NLRP5: variants seen among roughly 807,000 people sequenced by gnomAD.
NLRP5 encodes the protein NACHT, LRR and PYD domains-containing protein 5.
Under a neutral mutation model 113.1 loss-of-function variants are expected in NLRP5, and 93 were observed. The observed-to-expected ratio is 0.82, with a 90% CI of 0.70 to 0.98. NLRP5 has a LOEUF of 0.98. NLRP5 is among the 50% of genes least tolerant of loss of function. The probability of loss-of-function intolerance (pLI) is 0.00; values close to 1 mark genes in which losing one functional copy is unlikely to be tolerated. For synonymous variants in NLRP5, 751 were observed against 600.7 expected (o/e 1.25, Z -3.66); for missense variants, 1,808 against 1,514.3 (o/e 1.19, Z -3.22).
At chr19:56,005,134 C>T (rs1256715974) in intron 2 of NLRP5, among the ~76,000 whole-genome samples, 5 of 142,778 alleles carry the variant, frequency 3.5e-5, no homozygotes, top group East Asian at 2.0e-4. Flanking sequence ...ATAATATATA[C>T]ACACACACAT....
intron 1 of NLRP5, chr19:55,999,884 G>A (rs1195330476): frequency 1.3e-5 from 11 of 873,862 alleles, no homozygotes; most frequent in Non-Finnish European, 2.1e-5. Context: ...GCTGTCTGCT[G>A]CAATGTTATT....
chr19:56,014,619 A>G (rs1044626138), intron 3 of NLRP5, among the ~76,000 whole-genome samples: 2 of 152,204 alleles, frequency 1.3e-5, no homozygotes, highest in Admixed American at 1.3e-4. Context: ...AGCATGAAGT[A>G]GAGGGTTCAA....
chr19:56,048,544 G>T, intron 11 of NLRP5, among the ~76,000 whole-genome samples: 1 of 51,916 alleles, frequency 1.9e-5, no homozygotes, highest in South Asian at 4.9e-4. Flanking sequence ...ACAAACAAGG[G>T]CCCCAAATCC....
In NLRP5 at chr19:56,053,766, G is replaced by A. The variant is rs1334254905; in HGVS notation, c.3257G>A (p.Cys1086Tyr). The A allele has an allele frequency of 1.2e-6, 2 of 1,613,818 alleles. No homozygotes were observed. Among genetic ancestry groups the A allele is most frequent in the African/African-American group, 1.3e-5 (1 of 74,904 alleles). Residue 1086 changes from cysteine to tyrosine, a missense_variant, in exon 13 of 15, where the codon TGC (cysteine) becomes TAC (tyrosine). Coordinates refer to ENST00000390649, the MANE Select transcript of NLRP5 (RefSeq NM_153447.4). Reference sequence around the variant, plus strand: ...GGTGACGGTGGGGTTGCTGCGCTGTGCGAGGGACTGAAGCAAAAGAACAGT... The same window carrying A: ...GGTGACGGTGGGGTTGCTGCGCTGTACGAGGGACTGAAGCAAAAGAACAGT...
chr19:56,013,596 G>GTTTTTTTTTTTGTTTTTTTT (rs1982288189), intron 3 of NLRP5, among the ~76,000 whole-genome samples: 1 of 59,284 alleles, frequency 1.7e-5, no homozygotes, highest in Non-Finnish European at 2.9e-5. Flanking sequence ...GGACATTTGG[G>GTTTTTTTTTTTGTTTTTTTT]TTTTTTTTTT....
chr19:56,061,148 T>G (rs542256445), intron 14 of NLRP5, among the ~76,000 whole-genome samples: 7 of 152,332 alleles, frequency 4.6e-5, no homozygotes, highest in Admixed American at 3.9e-4. Flanking sequence ...ATACTTTTTC[T>G]AACCGATTTC....
chr19:56,022,146 G>C (rs184733087), intron 6 of NLRP5, among the ~76,000 whole-genome samples: 96 of 152,194 alleles, frequency 6.3e-4, no homozygotes, highest in African/African-American at 2.2e-3. Flanking sequence ...TAATTACTCT[G>C]GTCTAGGCAC....
chr19:56,055,563 T>TTTTTTTTTTTTTA (rs71981818), intron 13 of NLRP5, among the ~76,000 whole-genome samples: 1 of 116,806 alleles, frequency 8.6e-6, no homozygotes, highest in Non-Finnish European at 1.8e-5. Context: ...TTTTTTTTTT[T>TTTTTTTTTTTTTA]AAGATAGAGT....
intron 6 of NLRP5, among the ~76,000 whole-genome samples, chr19:56,024,582 C>CACATATAT (rs1827677532): frequency 1.5e-5 from 2 of 131,176 alleles, no homozygotes; most frequent in Non-Finnish European, 3.4e-5. Context: ...CATATATATA[C>CACATATAT]ATACACACAC....
At chr19:56,038,341 C>G in intron 10 of NLRP5, 146 bp downstream of exon 10, 1 of 802,472 alleles carries the variant, frequency 1.2e-6, no homozygotes, top group Non-Finnish European at 2.1e-6. Flanking sequence ...CAAGACCTGC[C>G]CAGTGTGGGG....
At chr19:56,005,107 A>AAAATATATATATATATAT (rs1173746273) in intron 2 of NLRP5, among the ~76,000 whole-genome samples, 9 of 95,344 alleles carry the variant, frequency 9.4e-5, no homozygotes, top group African/African-American at 3.5e-4. Context: ...AAAAAAAAAA[A>AAAATATATATATATATAT]ATATATATAT....
At chr19:56,046,764 C>G (rs1185885413) in intron 11 of NLRP5, among the ~76,000 whole-genome samples, 8 of 152,112 alleles carry the variant, frequency 5.3e-5, no homozygotes, top group Non-Finnish European at 8.8e-5. Context: ...GATCTCCTGA[C>G]CTCGTGATCT....
In NLRP5 at chr19:56,002,675, C is replaced by T. The variant is rs1981703081; in HGVS notation, c.63-1041C>T. Among the ~76,000 whole-genome samples the T allele has an allele frequency of 1.4e-5, 2 of 147,214 alleles. 1 individual carries two copies. Among genetic ancestry groups the T allele is most frequent in the African/African-American group, 5.1e-5 (2 of 38,902 alleles). On this transcript the variant is annotated intron_variant, in intron 1 of 14. Transcript: ENST00000390649. ...GTTCCCCTTCCTGTGTCCAAGTGTA[C>T]TCATTGTTCAATTCCCACCTATGAG...
chr19:56,053,213 T>C (rs1473489654), intron 12 of NLRP5, among the ~76,000 whole-genome samples: 2 of 151,414 alleles, frequency 1.3e-5, no homozygotes, highest in South Asian at 4.2e-4. Context: ...CTTACCAACA[T>C]GGAGAAACCC....
chr19:55,998,247 T>C (rs531913769), upstream of NLRP5, among the ~76,000 whole-genome samples: 1 of 152,080 alleles, frequency 6.6e-6, no homozygotes, highest in African/African-American at 2.4e-5. Context: ...TCCCAGCTAC[T>C]TGGGGAGTCT....
intron 12 of NLRP5, among the ~76,000 whole-genome samples, chr19:56,051,530 C>A (rs549478471): frequency 6.6e-6 from 1 of 151,936 alleles, no homozygotes; most frequent in East Asian, 1.9e-4. Context: ...GCAGGCAGAG[C>A]ACTAAATATT....
intron 7 of NLRP5, among the ~76,000 whole-genome samples, chr19:56,030,714 C>CTTCTTCTTTTTTTTTT (rs1555767859): frequency 9.8e-5 from 7 of 71,350 alleles, no homozygotes; most frequent in African/African-American, 4.3e-4. Context: ...CTTTCTTCTT[C>CTTCTTCTTTTTTTTTT]TTTTTTTTTT....
intron 12 of NLRP5, among the ~76,000 whole-genome samples, chr19:56,050,907 G>A (rs1282287362): frequency 6.6e-6 from 1 of 152,180 alleles, no homozygotes; most frequent in African/African-American, 2.4e-5. Flanking sequence ...GAGAGTGCTT[G>A]TCTCTTAATC....
chr19:56,005,447 ATAT>A (rs1395917149), intron 2 of NLRP5, among the ~76,000 whole-genome samples: 1 of 144,664 alleles, frequency 6.9e-6, no homozygotes, highest in Admixed American at 7.0e-5. Flanking sequence ...ATATACACAT[ATAT>A]TTTTATATAC....
Sources: allele counts gnomAD v4.1 joint callset (sites outside exome capture counted in the v4.1 genomes callset), GRCh38; gene constraint gnomAD v4.1.1; transcripts MANE v1.5; gene names NCBI Gene and HGNC (gene_info 2026-07-23, HGNC 2026-07-21).